GPHN: variants seen among roughly 807,000 people sequenced by gnomAD.
GPHN encodes the protein gephyrin.
A neutral mutation model predicts 95.5 loss-of-function variants in GPHN; 17 were observed. The ratio of observed to expected loss-of-function variants is 0.18; its 90% CI spans 0.12 to 0.27. The LOEUF is 0.27. Ranked by LOEUF, GPHN falls within the 10% of genes least tolerant of loss-of-function variation. The probability of loss-of-function intolerance (pLI) is 1.00; values close to 1 mark genes in which losing one functional copy is unlikely to be tolerated. For missense variants in GPHN, 660 were observed against 978.1 expected (o/e 0.67, Z 4.34); for synonymous variants, 320 against 322.5 (o/e 0.99, Z 0.08).
intron 2 of GPHN, among the ~76,000 whole-genome samples, chr14:66,700,140 A>G (rs2068423232): frequency 6.6e-6 from 1 of 152,152 alleles, no homozygotes; most frequent in Non-Finnish European, 1.5e-5. Context: ...ATAGTGTTAA[A>G]TGTTTTCTAT....
chr14:67,133,671 A>G (rs1232039082), intron 17 of GPHN, among the ~76,000 whole-genome samples: 2 of 152,170 alleles, frequency 1.3e-5, no homozygotes, highest in East Asian at 1.9e-4. Context: ...ATACCCTCTG[A>G]ATATATTCTT....
intron 8 of GPHN, among the ~76,000 whole-genome samples, chr14:66,927,796 C>G (rs560958147): frequency 1.3e-5 from 2 of 152,252 alleles, no homozygotes; most frequent in South Asian, 4.1e-4. Flanking sequence ...GTGAAGTGAT[C>G]ATACGGTTTT....
chr14:67,219,277 G>A, the GPHN span, among the ~76,000 whole-genome samples: 1 of 152,154 alleles, frequency 6.6e-6, no homozygotes, highest in Non-Finnish European at 1.5e-5. Context: ...TTCTGCTTAC[G>A]TTTTCCCTGC....
intron 9 of GPHN, among the ~76,000 whole-genome samples, chr14:66,975,983 TTTC>T (rs1164743366): frequency 6.6e-6 from 1 of 152,238 alleles, no homozygotes; most frequent in Non-Finnish European, 1.5e-5. Flanking sequence ...TTATAATTCT[TTTC>T]TTTTGAAATA....
At position 67,057,411 on chromosome 14, in the gene GPHN, T is replaced by C. The variant is rs28533300; in HGVS notation, c.1007-1238T>C. Among the ~76,000 whole-genome samples the C allele has an allele frequency of 1.6e-4, 22 of 135,960 alleles. 1 individual carries two copies. Among genetic ancestry groups the C allele is most frequent in the African/African-American group, 5.7e-4 (21 of 37,166 alleles). The allele number at this position is 135,960 out of a possible 152,430, so 89.2% of individuals were successfully genotyped here. On this transcript the variant is annotated intron_variant, in intron 10 of 22. Transcript: ENST00000478722. ...CAACAAGAACACATGGGCACATGGGTGGGGGGGGCAACAGCACACACTGGG... is the reference window on the plus strand; with the variant it reads ...CAACAAGAACACATGGGCACATGGGCGGGGGGGGCAACAGCACACACTGGG...
intron 11 of GPHN, 104 bp downstream of exon 11, chr14:67,058,890 C>T (rs2153649310): frequency 9.9e-7 from 1 of 1,010,684 alleles, no homozygotes; most frequent in Non-Finnish European, 1.6e-6. Context: ...AGATTATTAA[C>T]CATTATTACA....
rs926776834 is a variant in GPHN at position 66,565,418 on chromosome 14, C to T, written c.64+56827C>T. Reference sequence around the variant, plus strand: ...GGCTCAAGTGATTCTCTCATCTCAGCCTCCCGAGTAGCCAGGACTACAGAC... The same window carrying T: ...GGCTCAAGTGATTCTCTCATCTCAGTCTCCCGAGTAGCCAGGACTACAGAC... On this transcript the variant is annotated intron_variant, in intron 1 of 22. Coordinates refer to ENST00000478722, the MANE Select transcript of GPHN (RefSeq NM_020806.5). Among the ~76,000 whole-genome samples, 4 of 152,006 alleles carry T rather than the reference C, an allele frequency of 2.6e-5. No individual in the cohort carries two copies. The South Asian group carries it at 6.2e-4, about 24-fold the overall frequency.
chr14:66,740,585 A>G (rs1201755102), intron 2 of GPHN, among the ~76,000 whole-genome samples: 1 of 151,804 alleles, frequency 6.6e-6, no homozygotes, highest in East Asian at 1.9e-4. Context: ...TAAGTATTAA[A>G]AAGTGGTACT....
At chr14:67,574,140 G>T in the GPHN span, 7 of 1,068,044 alleles carry the variant, frequency 6.6e-6, no homozygotes, top group South Asian at 1.7e-5. This position sits in a 1 kb window ranked among gnomAD's most constrained non-coding sequence, Gnocchi z 4.2. Context: ...CAGGCAGAAG[G>T]CCAGCCCCTT....
intron 2 of GPHN, among the ~76,000 whole-genome samples, chr14:66,762,773 C>T (rs1213996375): frequency 6.6e-6 from 1 of 152,048 alleles, no homozygotes; most frequent in East Asian, 1.9e-4. Flanking sequence ...AAAGACTCTT[C>T]TCAAAAGTAT....
At chr14:67,120,019 A>G (rs1270872112) in intron 16 of GPHN, among the ~76,000 whole-genome samples, 1 of 151,480 alleles carries the variant, frequency 6.6e-6, no homozygotes, top group Non-Finnish European at 1.5e-5. Context: ...AGTCCCAGAT[A>G]GGAAGCTGTG....
At chr14:66,595,570 C>A (rs1170972682) in intron 1 of GPHN, among the ~76,000 whole-genome samples, 1 of 152,132 alleles carries the variant, frequency 6.6e-6, no homozygotes, top group Non-Finnish European at 1.5e-5. Context: ...CAGCCAGGCA[C>A]ACTAGTTGTG....
chr14:67,543,605 C>T, the GPHN span, among the ~76,000 whole-genome samples: 18 of 152,122 alleles, frequency 1.2e-4, no homozygotes, highest in East Asian at 7.7e-4. Context: ...GTTTAACAAG[C>T]GTCCAGAAAA....
At chr14:67,620,849 C>T in the GPHN span, 7 of 1,605,840 alleles carry the variant, frequency 4.4e-6, no homozygotes, top group African/African-American at 2.7e-5. Context: ...GGTTTTTTTC[C>T]GACACCTTCT....
At chr14:66,991,870 T>TCAAAA (rs11429396) in intron 9 of GPHN, among the ~76,000 whole-genome samples, 1 of 111,144 alleles carries the variant, frequency 9.0e-6, no homozygotes, top group African/African-American at 3.0e-5. Flanking sequence ...AGACCCTGTC[T>TCAAAA]AAAAAAAAAA....
the GPHN span, among the ~76,000 whole-genome samples, chr14:67,733,471 A>G: frequency 6.6e-6 from 1 of 152,220 alleles, no homozygotes; most frequent in Non-Finnish European, 1.5e-5. Context: ...ATATCCTAGA[A>G]TGTCACTTCT....
chr14:66,586,380 C>A lies in GPHN; in HGVS notation c.64+77789C>A, dbSNP rs1402644487. Among the ~76,000 whole-genome samples, 8 of 152,104 alleles carry A rather than the reference C, an allele frequency of 5.3e-5. No individual in the cohort carries two copies. The East Asian group carries it at 1.5e-3, about 29-fold the overall frequency. Reference sequence around the variant, plus strand: ...TGTCTTTTAATTGGAGCATTTAGCCCATTTACATTTAAGGTTAGTATTGTT... The same window carrying A: ...TGTCTTTTAATTGGAGCATTTAGCCAATTTACATTTAAGGTTAGTATTGTT... On this transcript the variant is annotated intron_variant, in intron 1 of 22. Transcript: ENST00000478722.
the GPHN span, chr14:67,579,643 T>A: frequency 7.1e-7 from 1 of 1,417,056 alleles, no homozygotes; most frequent in Non-Finnish European, 9.7e-7. Context: ...CCACCTGCTG[T>A]ATCCAGACAC....
chr14:67,585,686 C>T, the GPHN span: 1 of 1,402,102 alleles, frequency 7.1e-7, no homozygotes, highest in African/African-American at 1.4e-5. Context: ...TCCCTGACCC[C>T]TCCTCTTCCT....
Sources: allele counts gnomAD v4.1 joint callset (sites outside exome capture counted in the v4.1 genomes callset), GRCh38; gene constraint gnomAD v4.1.1; non-coding constraint Gnocchi (gnomAD v3.1); transcripts MANE v1.5; gene names NCBI Gene and HGNC (gene_info 2026-07-23, HGNC 2026-07-21).